The following ERI1 variants were observed in gnomAD, a reference collection of about 807,000 sequenced individuals.
ERI1 encodes the protein exoribonuclease 1, also known as 3'-5' exoribonuclease 1.
In ERI1, 39 loss-of-function variants were observed where a neutral mutation model predicts 39.7. The observed-to-expected ratio is 0.98, with a 90% CI of 0.76 to 1.28. ERI1 has a LOEUF of 1.28. Ranked by LOEUF, ERI1 falls within the 50% of genes most tolerant of loss-of-function variation. The pLI, the probability that ERI1 is intolerant of heterozygous loss-of-function variation, is 0.00. For missense variants in ERI1, 581 were observed against 416.9 expected (o/e 1.39, Z -3.43); for synonymous variants, 204 against 149.6 (o/e 1.36, Z -2.65).
chr8:9,027,561 G>T (rs1002196393), intron 6 of ERI1, among the ~76,000 whole-genome samples: 3 of 152,060 alleles, frequency 2.0e-5, no homozygotes, highest in African/African-American at 7.2e-5. Context: ...CCAATCCATT[G>T]TCATAAAGCC....
intron 6 of ERI1, among the ~76,000 whole-genome samples, chr8:9,025,903 C>G (rs1188639667): frequency 2.0e-5 from 3 of 151,942 alleles, no homozygotes; most frequent in Non-Finnish European, 4.4e-5. Flanking sequence ...TCATATATAC[C>G]TCATACACAG....
chr8:9,013,221 C>G (rs755938248), intron 3 of ERI1, among the ~76,000 whole-genome samples: 2 of 151,214 alleles, frequency 1.3e-5, no homozygotes, highest in African/African-American at 4.9e-5. Flanking sequence ...CATCATGTTG[C>G]GCAGGCTGGT....
In ERI1 at chr8:9,022,679, C is replaced by A. The variant is rs919832739; in HGVS notation, c.807+2215C>A. Among the ~76,000 whole-genome samples the A allele has an allele frequency of 2.0e-5, 3 of 152,252 alleles. No homozygotes were observed. In the South Asian group the frequency reaches 6.2e-4, roughly 32 times the overall value. ...CCTCCCAAAGTGCTGGGATTATAGGCGTGAGCCACTGCACCTGGCCTTTTG... is the reference window on the plus strand; with the variant it reads ...CCTCCCAAAGTGCTGGGATTATAGGAGTGAGCCACTGCACCTGGCCTTTTG... On this transcript the variant is annotated intron_variant, in intron 6 of 6. Transcript: ENST00000250263.
chr8:9,005,073 T>C (rs959828442), intron 1 of ERI1, among the ~76,000 whole-genome samples: 4 of 152,198 alleles, frequency 2.6e-5, no homozygotes, highest in African/African-American at 9.7e-5. Flanking sequence ...CTAGTTGTCT[T>C]TGTAAACTAG....
chr8:9,011,306 C>G (rs958280360), intron 2 of ERI1, among the ~76,000 whole-genome samples: 2 of 152,052 alleles, frequency 1.3e-5, no homozygotes, highest in South Asian at 4.1e-4. Context: ...CTGTTATATA[C>G]TACTAAAATA....
intron 3 of ERI1, among the ~76,000 whole-genome samples, chr8:9,042,245 G>C (rs77198684): frequency 6.6e-6 from 1 of 152,264 alleles, no homozygotes; most frequent in East Asian, 1.9e-4. Context: ...TGTTTTGTAC[G>C]CTGTGTCCTT....
Position 9,011,707 on chromosome 8 carries a change from A to G in ERI1, c.453A>G (p.Ile151Met), listed in dbSNP as rs1210527672. ...ACCCACCTGAGTTTGTACATGAAAT[A>G]ATTGAATTTCCGGTTGTTTTACTGA... ...EGNPPEFVHE[I>M]IEFPVVLLNT... Residue 151 changes from isoleucine to methionine, a missense_variant, in exon 3 of 7, where the codon ATA becomes ATG. By Grantham distance (10) the Ile-to-Met change is conservative (BLOSUM62 1). Transcript: ENST00000250263. The G allele has an allele frequency of 6.2e-7, 1 of 1,611,860 alleles. No homozygotes were observed. The highest frequency in any genetic ancestry group is 1.1e-5 in the South Asian group (1 of 90,862).
chr8:9,029,982 C>A lies in ERI1; in HGVS notation c.998C>A (p.Ser333Tyr), dbSNP rs141287911. ...GGACAGCTAATGAGTGTGTCCTCTT[C>A]CTTACCAATAGAGGGCACTCCACCA... ...HAGQLMSVSS[S>Y]LPIEGTPPPQ... The change falls in exon 7 of 7, where the codon TCC (serine) becomes TAC (tyrosine). Residue 333 changes from serine to tyrosine, a missense_variant. Transcript: ENST00000250263. 1.2e-4 allele frequency: 190 copies of A among 1,613,952 alleles called. No homozygotes were observed. The highest frequency in any genetic ancestry group is 1.5e-4 in the Non-Finnish European group (181 of 1,179,998).
At chr8:9,021,781 T>TG (rs1563326945) in intron 6 of ERI1, among the ~76,000 whole-genome samples, 3 of 137,410 alleles carry the variant, frequency 2.2e-5, no homozygotes, top group African/African-American at 7.9e-5. Flanking sequence ...TTTGTTTTTT[T>TG]TTTTTTTTCA....
At chr8:9,065,650 G>A (rs112560142) in intron 3 of ERI1, among the ~76,000 whole-genome samples, 13,647 of 140,050 alleles carry the variant, frequency 0.097, 1,818 homozygotes, top group African/African-American at 0.3. Flanking sequence ...AGCTGAGATC[G>A]CAGCACTGCA....
intron 3 of ERI1, among the ~76,000 whole-genome samples, chr8:9,085,737 G>A (rs543192107): frequency 2.6e-4 from 40 of 152,060 alleles, no homozygotes; most frequent in African/African-American, 8.7e-4. Context: ...GTTAGAGGAG[G>A]AGTCAATAAG....
intron 3 of ERI1, among the ~76,000 whole-genome samples, chr8:9,087,723 C>T (rs762277416): frequency 2.0e-5 from 3 of 152,174 alleles, no homozygotes; most frequent in Non-Finnish European, 4.4e-5. Flanking sequence ...CTCAAGTTGA[C>T]ATAAATGTCC....
chr8:9,042,622 T>C (rs1798061727), intron 3 of ERI1, among the ~76,000 whole-genome samples: 1 of 152,100 alleles, frequency 6.6e-6, no homozygotes, highest in Non-Finnish European at 1.5e-5. Flanking sequence ...CTAGATGCGA[T>C]GGGTCCTTGT....
At chr8:9,028,772 C>T (rs186117351) in intron 6 of ERI1, among the ~76,000 whole-genome samples, 26 of 151,990 alleles carry the variant, frequency 1.7e-4, no homozygotes, top group South Asian at 4.2e-4. Context: ...TACAGGCGCA[C>T]GCCACCATAG....
chr8:9,054,629 T>C (rs1186380578), intron 3 of ERI1, among the ~76,000 whole-genome samples: 2 of 152,230 alleles, frequency 1.3e-5, no homozygotes, highest in Non-Finnish European at 2.9e-5. Context: ...GACAGCCACG[T>C]AGAAACGTGA....
chr8:9,045,418 T>C (rs1798144854), intron 3 of ERI1, among the ~76,000 whole-genome samples: 1 of 151,978 alleles, frequency 6.6e-6, no homozygotes, highest in Non-Finnish European at 1.5e-5. Flanking sequence ...CCTCCACGAA[T>C]AGATAGCTTA....
rs577958254 is a variant in ERI1 at position 9,032,885 on chromosome 8, G to T, written c.*2851G>T. The stretch of plus-strand genomic sequence containing the variant: ...GCACGGGTGCATTGTCAAAGTCTGA[G>T]AAGGATGTATTGTACTTTGAAGGAA... On this transcript the variant is annotated 3_prime_UTR_variant, in exon 7 of 7. Transcript: ENST00000250263. 4 of 152,298 alleles carry T rather than the reference G, an allele frequency of 2.6e-5. No homozygotes were observed. In the East Asian group the frequency reaches 7.7e-4, roughly 29 times the overall value. 9.4% of individuals were successfully genotyped at this position (152,298 alleles called of 1,614,324 possible).
In ERI1 at chr8:9,020,431, C is replaced by G. The variant is rs1358434177; in HGVS notation, c.774C>G (p.Ile258Met). 1 of 1,606,604 alleles carries G rather than the reference C, an allele frequency of 6.2e-7. No individual in the cohort carries two copies. The highest frequency in any genetic ancestry group is 1.7e-5 in the Admixed American group (1 of 58,896). The change falls in exon 6 of 7, where the codon ATC becomes ATG. Residue 258 changes from isoleucine to methionine, a missense_variant. Physicochemically the swap from Ile to Met is conservative, Grantham distance 10. Transcript: ENST00000250263. ...ACCCTCCTTTTGCGAAAAAGTGGAT[C>G]AATATTCGGAAGTCATATGGAAATT... ...LKYPPFAKKW[I>M]NIRKSYGNFY...
At chr8:9,003,270 G>T (rs942590548) in intron 1 of ERI1, 99 bp downstream of exon 1, 2 of 709,592 alleles carry the variant, frequency 2.8e-6, no homozygotes, top group Non-Finnish European at 3.9e-6. Flanking sequence ...AGAAGGTGCA[G>T]CTGTGCGCCC....
Sources: gnomAD v4.1 joint callset for allele counts (sites outside exome capture counted in the v4.1 genomes callset) on GRCh38, gnomAD v4.1.1 for gene constraint, MANE v1.5 for transcripts, NCBI Gene and HGNC (gene_info 2026-07-23, HGNC 2026-07-21) for gene names.